The following PTPRN2 variants were observed in gnomAD, a reference collection of about 807,000 sequenced individuals.
PTPRN2 encodes receptor-type tyrosine-protein phosphatase N2.
A neutral mutation model predicts 118.8 loss-of-function variants in PTPRN2; 74 were observed. The ratio of observed to expected loss-of-function variants is 0.62; its 90% CI spans 0.52 to 0.76. The LOEUF (loss-of-function observed/expected upper bound fraction) is 0.76, where lower values mean the gene tolerates loss of function less well. Ranked by LOEUF, PTPRN2 falls within the 30% of genes least tolerant of loss-of-function variation. The pLI is 0.00. For missense variants in PTPRN2, 1,481 were observed against 1,394.4 expected (o/e 1.06, Z -0.99); for synonymous variants, 641 against 608.0 (o/e 1.05, Z -0.80).
chr7:158,518,809 AC>A (rs1169487231), intron 1 of PTPRN2, among the ~76,000 whole-genome samples: 1 of 152,006 alleles, frequency 6.6e-6, no homozygotes, highest in Non-Finnish European at 1.5e-5. Flanking sequence ...ACATGGCGAA[AC>A]CCCGTCTCTA....
At chr7:158,450,322 A>T (rs1453143540) in intron 2 of PTPRN2, among the ~76,000 whole-genome samples, 1 of 152,260 alleles carries the variant, frequency 6.6e-6, no homozygotes, top group African/African-American at 2.4e-5. Context: ...CATTCAGTCC[A>T]TAACCGCTGC....
chr7:157,973,422 C>T (rs1019175728), intron 11 of PTPRN2, among the ~76,000 whole-genome samples: 1 of 152,192 alleles, frequency 6.6e-6, no homozygotes, highest in Non-Finnish European at 1.5e-5. Context: ...AAGTTCCAGA[C>T]ATCCACAGAC....
rs1796138969 is a variant in PTPRN2 at position 157,881,673 on chromosome 7, T to A, written c.1788+17000A>T. 6.6e-6 allele frequency among the ~76,000 whole-genome samples: 1 copy of A among 152,098 alleles called. No homozygotes were observed. Among genetic ancestry groups the A allele is most frequent in the Non-Finnish European group, 1.5e-5 (1 of 68,032 alleles). ...GAGGATTTCCTGTTTTCGTGGAACG[T>A]TAAGTCCAAGTGCTTGTCAACAGAA... On this transcript the variant is annotated intron_variant, in intron 12 of 22. Transcript: ENST00000389418. The surrounding 1 kb of genome is among the most constrained non-coding windows in gnomAD (Gnocchi z 4.7).
intron 2 of PTPRN2, among the ~76,000 whole-genome samples, chr7:158,469,388 G>A (rs1278556190): frequency 1.3e-5 from 2 of 152,138 alleles, no homozygotes; most frequent in Non-Finnish European, 2.9e-5. Flanking sequence ...GTTGCAGTGA[G>A]CCAAGATAGC....
chr7:158,105,918 A>G (rs1477644468), intron 10 of PTPRN2, among the ~76,000 whole-genome samples: 1 of 148,116 alleles, frequency 6.8e-6, no homozygotes, highest in East Asian at 2.1e-4. Flanking sequence ...ACTCCATCTC[A>G]TCTCCATACT....
chr7:158,430,928 G>A (rs898034347), intron 2 of PTPRN2, among the ~76,000 whole-genome samples: 3 of 152,188 alleles, frequency 2.0e-5, no homozygotes, highest in Admixed American at 6.5e-5. Flanking sequence ...GTGTCTGACC[G>A]TGGAACCAAA....
chr7:158,001,612 C>T (rs1012989504), intron 11 of PTPRN2, among the ~76,000 whole-genome samples: 3 of 152,092 alleles, frequency 2.0e-5, no homozygotes, highest in Non-Finnish European at 2.9e-5. Flanking sequence ...TGCAGACAGA[C>T]GCAGGCAGTG....
intron 1 of PTPRN2, among the ~76,000 whole-genome samples, chr7:158,569,259 T>TCCTGGCCCAGGGAGGCC (rs1563443287): frequency 6.6e-6 from 1 of 152,144 alleles, no homozygotes; most frequent in Non-Finnish European, 1.5e-5. Flanking sequence ...CCCTGGAGGC[T>TCCTGGCCCAGGGAGGCC]CCTGGCCCAG....
intron 21 of PTPRN2, among the ~76,000 whole-genome samples, chr7:157,558,127 C>A (rs1327884816): frequency 4.2e-5 from 5 of 118,346 alleles, no homozygotes; most frequent in Admixed American, 2.4e-4. Flanking sequence ...TACGATGGCT[C>A]CACAATTCCG....
chr7:157,790,043 G>A (rs1804359023), intron 12 of PTPRN2, among the ~76,000 whole-genome samples: 1 of 135,812 alleles, frequency 7.4e-6, no homozygotes. Context: ...GGGGGTGTGT[G>A]TGGTGTTTGT....
At chr7:157,915,846 G>A (rs955117052) in intron 11 of PTPRN2, among the ~76,000 whole-genome samples, 2 of 152,046 alleles carry the variant, frequency 1.3e-5, no homozygotes, top group Non-Finnish European at 2.9e-5. Flanking sequence ...TCATATTCTC[G>A]TAGTTTTGTT....
At chr7:158,031,828 C>T (rs1175490554) in intron 11 of PTPRN2, among the ~76,000 whole-genome samples, 14 of 152,226 alleles carry the variant, frequency 9.2e-5, no homozygotes, top group South Asian at 2.1e-4. Context: ...GGAAGTCAGA[C>T]GCGGGGGCTG....
intron 9 of PTPRN2, among the ~76,000 whole-genome samples, chr7:158,123,271 C>G (rs1263224572): frequency 6.6e-6 from 1 of 152,238 alleles, no homozygotes; most frequent in Non-Finnish European, 1.5e-5. Context: ...ACGGGAACCT[C>G]CCCCATGCAG....
At chr7:157,902,652 C>T (rs536350245) in intron 11 of PTPRN2, among the ~76,000 whole-genome samples, 44 of 152,326 alleles carry the variant, frequency 2.9e-4, no homozygotes, top group East Asian at 3.9e-4. Context: ...GGAGGGGTTC[C>T]GAGTGTGACG....
At chr7:157,765,200 GCATCCATCCTTCACCCATC>G (rs1221698002) in intron 12 of PTPRN2, among the ~76,000 whole-genome samples, 2 of 134,130 alleles carry the variant, frequency 1.5e-5, no homozygotes, top group African/African-American at 5.7e-5. Flanking sequence ...ATTCCTCCAT[GCATCCATCCTTCACCCATC>G]CATCCATCCT....
intron 3 of PTPRN2, among the ~76,000 whole-genome samples, chr7:158,313,582 C>T (rs1802052576): frequency 6.6e-6 from 1 of 151,952 alleles, no homozygotes; most frequent in Non-Finnish European, 1.5e-5. Context: ...ACCTACGACC[C>T]CCCATCTCCA....
At chr7:158,538,044 C>T (rs1322606621) in intron 1 of PTPRN2, among the ~76,000 whole-genome samples, 1 of 152,196 alleles carries the variant, frequency 6.6e-6, no homozygotes, top group African/African-American at 2.4e-5. Context: ...GATTTGGAAG[C>T]AAAATCTGGC....
intron 16 of PTPRN2, among the ~76,000 whole-genome samples, chr7:157,597,563 G>A (rs1359673293): frequency 6.6e-6 from 1 of 151,982 alleles, no homozygotes; most frequent in East Asian, 1.9e-4. Context: ...ACATTTAGTT[G>A]CTTTCAAAAT....
intron 11 of PTPRN2, among the ~76,000 whole-genome samples, chr7:158,044,523 C>A (rs1808700700): frequency 1.3e-5 from 2 of 152,228 alleles, no homozygotes; most frequent in Middle Eastern, 3.2e-3. Context: ...AGCACAGTCT[C>A]CAGGGCTCAG....
Sources: allele counts gnomAD v4.1 joint callset (sites outside exome capture counted in the v4.1 genomes callset), GRCh38; gene constraint gnomAD v4.1.1; non-coding constraint Gnocchi (gnomAD v3.1); transcripts MANE v1.5; gene names NCBI Gene and HGNC (gene_info 2026-07-23, HGNC 2026-07-21).